The following GALNT14 variants were observed in gnomAD, a reference collection of about 807,000 sequenced individuals.
GALNT14 encodes UDP-GalNAc:polypeptide N-acetylgalactosaminyltransferase 14.
GALNT14 carries 60 observed loss-of-function variants against 77.5 expected under a neutral mutation model. The observed-to-expected ratio is 0.77, with a 90% CI of 0.63 to 0.96. The LOEUF (loss-of-function observed/expected upper bound fraction) is 0.96, where lower values mean the gene tolerates loss of function less well. Ranked by LOEUF, GALNT14 falls within the 40% of genes least tolerant of loss-of-function variation. The pLI, the probability that GALNT14 is intolerant of heterozygous loss-of-function variation, is 0.00. For synonymous variants in GALNT14, 280 were observed against 281.7 expected, an observed-to-expected ratio of 0.99 and a Z score of 0.06; for missense variants, 710 against 731.0, an observed-to-expected ratio of 0.97 and a Z score of 0.33.
intron 6 of GALNT14, among the ~76,000 whole-genome samples, chr2:30,950,435 T>G (rs1666960646): frequency 6.6e-6 from 1 of 152,200 alleles, no homozygotes; most frequent in Non-Finnish European, 1.5e-5. Flanking sequence ...TTTCTATTTT[T>G]GAAAATCCCA....
At chr2:30,976,504 G>C (rs1290036580) in intron 2 of GALNT14, among the ~76,000 whole-genome samples, 1 of 152,144 alleles carries the variant, frequency 6.6e-6, no homozygotes, top group Non-Finnish European at 1.5e-5. Flanking sequence ...AGGAAGATCA[G>C]CAGATCTATG....
chr2:31,035,617 C>CCA (rs1558512364), intron 1 of GALNT14, among the ~76,000 whole-genome samples: 1 of 29,752 alleles, frequency 3.4e-5, no homozygotes, highest in South Asian at 1.0e-3. Context: ...ACACACACAC[C>CCA]TACACACACA....
chr2:30,986,290 G>A (rs926546510), intron 2 of GALNT14, among the ~76,000 whole-genome samples: 2 of 152,158 alleles, frequency 1.3e-5, no homozygotes, highest in Non-Finnish European at 2.9e-5. Flanking sequence ...CATGGCTCAC[G>A]AGCTCAGTCC....
intron 6 of GALNT14, among the ~76,000 whole-genome samples, chr2:30,951,430 G>A (rs866141204): frequency 9.2e-5 from 14 of 152,308 alleles, no homozygotes; most frequent in Middle Eastern, 3.4e-3. Flanking sequence ...CAGGGGCAGG[G>A]AGAAGAGGAG....
chr2:31,028,991 G>A (rs1457708880), intron 1 of GALNT14, among the ~76,000 whole-genome samples: 1 of 152,116 alleles, frequency 6.6e-6, no homozygotes, highest in Admixed American at 6.5e-5. Context: ...ACATTTATTA[G>A]CAGTTCTCAG....
intron 6 of GALNT14, among the ~76,000 whole-genome samples, chr2:30,953,097 G>A (rs952806005): frequency 1.3e-5 from 2 of 152,100 alleles, no homozygotes; most frequent in Non-Finnish European, 2.9e-5. Flanking sequence ...TTTAGTTTTT[G>A]TTTAACATAC....
At chr2:31,125,246 G>A (rs1456751315) in intron 1 of GALNT14, 3 of 1,550,156 alleles carry the variant, frequency 1.9e-6, no homozygotes, top group African/African-American at 2.7e-5. Context: ...GAAAAACAAG[G>A]ACCAAACCTG....
intron 1 of GALNT14, among the ~76,000 whole-genome samples, chr2:31,002,829 C>T (rs1253766919): frequency 1.3e-5 from 2 of 152,186 alleles, no homozygotes; most frequent in African/African-American, 4.8e-5. Flanking sequence ...GGAGGGGCAC[C>T]CAGCCCTTCG....
chr2:30,986,811 A>G (rs973688139), intron 2 of GALNT14: 1 of 152,092 alleles, frequency 6.6e-6, no homozygotes, highest in Non-Finnish European at 1.5e-5. Flanking sequence ...CATCTTTGTG[A>G]TCTCACAGGA....
intron 9 of GALNT14, among the ~76,000 whole-genome samples, chr2:30,939,795 T>C (rs1176206885): frequency 6.6e-6 from 1 of 152,014 alleles, no homozygotes; most frequent in African/African-American, 2.4e-5. Context: ...AGGACTCCTT[T>C]CTTCACCCCT....
intron 1 of GALNT14, among the ~76,000 whole-genome samples, chr2:30,993,768 A>C (rs1669856441): frequency 6.6e-6 from 1 of 152,152 alleles, no homozygotes; most frequent in Admixed American, 6.5e-5. Context: ...GAAGTTCCAA[A>C]AGGTTGACTG....
chr2:30,897,883 G>A, the GALNT14 span, among the ~76,000 whole-genome samples: 3 of 152,320 alleles, frequency 2.0e-5, no homozygotes, highest in African/African-American at 7.2e-5. Context: ...ACAAATGAGC[G>A]GTGCTTGCAG....
chr2:31,059,794 G>A (rs1473695238), intron 1 of GALNT14, among the ~76,000 whole-genome samples: 1 of 152,242 alleles, frequency 6.6e-6, no homozygotes, highest in Non-Finnish European at 1.5e-5. Flanking sequence ...AAGGCTCTGT[G>A]TATGAGCCAG....
chr2:31,064,485 A>C lies in GALNT14; in HGVS notation c.130-71478T>G, dbSNP rs73921441. Among the ~76,000 whole-genome samples the C allele has an allele frequency of 2.8e-3, 432 of 152,340 alleles. 4 individuals carry two copies. Among genetic ancestry groups the C allele is most frequent in the African/African-American group, 9.8e-3 (406 of 41,570 alleles). ...AAGGAACTCCACTTTTACCCAGTTCATATCTGGGGACTAAATTTAACTAAA... is the reference window on the plus strand; with the variant it reads ...AAGGAACTCCACTTTTACCCAGTTCCTATCTGGGGACTAAATTTAACTAAA... On this transcript the variant is annotated intron_variant, in intron 1 of 14. Coordinates refer to ENST00000349752, the MANE Select transcript of GALNT14 (RefSeq NM_024572.4).
downstream of GALNT14, among the ~76,000 whole-genome samples, chr2:30,909,390 G>A (rs1195545511): frequency 3.4e-3 from 517 of 152,088 alleles, 5 homozygotes; most frequent in African/African-American, 0.012. Context: ...CCATCAAAAA[G>A]TGGGCGAAGG....
intron 4 of GALNT14, 113 bp from the exon 5 acceptor site, chr2:30,956,090 C>T: frequency 1.0e-6 from 1 of 979,154 alleles, no homozygotes; most frequent in Non-Finnish European, 1.6e-6. Context: ...TGTCCACTGT[C>T]CCCTAACTGC....
chr2:30,990,462 G>C (rs535570818), intron 2 of GALNT14, among the ~76,000 whole-genome samples: 52 of 147,224 alleles, frequency 3.5e-4, no homozygotes, highest in Non-Finnish European at 7.0e-4. Flanking sequence ...GTTTCCCTGA[G>C]AACTAAGAGC....
chr2:31,080,293 A>C (rs147177064), intron 1 of GALNT14, among the ~76,000 whole-genome samples: 7 of 152,356 alleles, frequency 4.6e-5, no homozygotes, highest in African/African-American at 1.7e-4. Flanking sequence ...ACACTGATTA[A>C]ATTTCCATTT....
At chr2:30,995,394 A>G (rs1431754156) in intron 1 of GALNT14, among the ~76,000 whole-genome samples, 4 of 152,154 alleles carry the variant, frequency 2.6e-5, no homozygotes, top group African/African-American at 9.7e-5. Context: ...ATAGCCTAGG[A>G]GCAACAGGCT....
Sources: allele counts gnomAD v4.1 joint callset (sites outside exome capture counted in the v4.1 genomes callset), GRCh38; gene constraint gnomAD v4.1.1; transcripts MANE v1.5; gene names NCBI Gene and HGNC (gene_info 2026-07-23, HGNC 2026-07-21).